ZBTB38: variants seen among roughly 807,000 people sequenced by gnomAD.
The protein encoded by ZBTB38 is zinc finger and BTB domain-containing protein 38.
A neutral mutation model predicts 76.8 loss-of-function variants in ZBTB38; 20 were observed. The ratio of observed to expected loss-of-function variants is 0.26; its 90% CI spans 0.18 to 0.38. The LOEUF (loss-of-function observed/expected upper bound fraction) is 0.38. Among genes scored for constraint, ZBTB38 ranks in the 10% least tolerant of loss-of-function variants. The pLI is 1.00. For synonymous variants in ZBTB38, 504 were observed against 544.2 expected (o/e 0.93, Z 1.03); for missense variants, 1,082 against 1,482.3 (o/e 0.73, Z 4.43).
At chr3:141,400,874 G>T (rs1326994796) in intron 4 of ZBTB38, among the ~76,000 whole-genome samples, 1 of 152,170 alleles carries the variant, frequency 6.6e-6, no homozygotes, top group Non-Finnish European at 1.5e-5. Flanking sequence ...AACAAAGCTG[G>T]GCTTTAAACC....
At chr3:141,437,951 G>A (rs1413007036) in intron 5 of ZBTB38, among the ~76,000 whole-genome samples, 3 of 151,664 alleles carry the variant, frequency 2.0e-5, no homozygotes, top group Non-Finnish European at 2.9e-5. Context: ...TCGCTCTGTT[G>A]CCCAGGCTGG....
intron 5 of ZBTB38, among the ~76,000 whole-genome samples, chr3:141,409,525 G>A (rs1210256490): frequency 6.6e-6 from 1 of 152,162 alleles, no homozygotes; most frequent in Non-Finnish European, 1.5e-5. Context: ...CAGAATTTTT[G>A]ACAAGAAGCA....
At chr3:141,372,225 G>A (rs983908208) in intron 2 of ZBTB38, among the ~76,000 whole-genome samples, 11 of 152,194 alleles carry the variant, frequency 7.2e-5, no homozygotes, top group African/African-American at 2.7e-4. Flanking sequence ...GAGGAGGAAT[G>A]GAATAGAATA....
At chr3:141,332,989 G>C (rs534283686) in intron 1 of ZBTB38, among the ~76,000 whole-genome samples, 1 of 152,136 alleles carries the variant, frequency 6.6e-6, no homozygotes, top group Admixed American at 6.5e-5. Context: ...CTGTAGAAAG[G>C]GGTTTCTTAA....
chr3:141,439,092 T>G (rs6777525), intron 5 of ZBTB38, among the ~76,000 whole-genome samples: 10,845 of 152,196 alleles, frequency 0.071, 1,344 homozygotes, highest in African/African-American at 0.25. Flanking sequence ...TTCTAACATT[T>G]TATACTTATC....
chr3:141,352,055 A>G lies in ZBTB38; in HGVS notation c.-738-16566A>G, dbSNP rs931965117. Among the ~76,000 whole-genome samples, 3 of 152,186 alleles carry G rather than the reference A, an allele frequency of 2.0e-5. No homozygotes were observed. The South Asian group carries it at 6.2e-4, about 31-fold the overall frequency. ...CCAAGAATTCATTTACCCAATAAAT[A>G]TGCCAGGCATGGTTTTGGCCTAATG... On this transcript the variant is annotated intron_variant, in intron 1 of 7. Transcript: ENST00000509842.
intron 2 of ZBTB38, among the ~76,000 whole-genome samples, chr3:141,376,002 A>T (rs925799911): frequency 2.6e-5 from 4 of 152,074 alleles, no homozygotes; most frequent in African/African-American, 9.7e-5. Flanking sequence ...GCAACAAAAA[A>T]CCATTTTCTT....
intron 5 of ZBTB38, among the ~76,000 whole-genome samples, chr3:141,418,074 A>T (rs2074482763): frequency 6.6e-6 from 1 of 152,148 alleles, no homozygotes; most frequent in South Asian, 2.1e-4. Context: ...GACTAAACAC[A>T]TCAGAATCTT....
chr3:141,385,401 A>C (rs1230934722), intron 3 of ZBTB38, among the ~76,000 whole-genome samples: 1 of 152,172 alleles, frequency 6.6e-6, no homozygotes, highest in African/African-American at 2.4e-5. Context: ...ATTTCCTTAA[A>C]AATAAAAGAC....
chr3:141,352,591 G>T (rs1479586753), intron 1 of ZBTB38, among the ~76,000 whole-genome samples: 1 of 152,058 alleles, frequency 6.6e-6, no homozygotes, highest in African/African-American at 2.4e-5. Flanking sequence ...GGTGATGATG[G>T]TATACATGGG....
chr3:141,333,671 G>C (rs1303513664), intron 1 of ZBTB38, among the ~76,000 whole-genome samples: 2 of 152,162 alleles, frequency 1.3e-5, no homozygotes, highest in African/African-American at 2.4e-5. Context: ...GGTGGGGAAA[G>C]AGTGCCCAGC....
chr3:141,387,104 A>G (rs1947319692), intron 4 of ZBTB38, 167 bp downstream of exon 4: 1 of 152,562 alleles, frequency 6.6e-6, no homozygotes, highest in Non-Finnish European at 1.5e-5. Flanking sequence ...AGATGTGAGT[A>G]TGTAAATGCT....
intron 1 of ZBTB38, among the ~76,000 whole-genome samples, chr3:141,331,957 T>C (rs1942867855): frequency 6.6e-6 from 1 of 152,180 alleles, no homozygotes; most frequent in Non-Finnish European, 1.5e-5. Flanking sequence ...AAGTGGAAGA[T>C]AATGCACTTG....
intron 1 of ZBTB38, among the ~76,000 whole-genome samples, chr3:141,338,438 T>C (rs981677347): frequency 2.0e-5 from 3 of 152,206 alleles, no homozygotes. Context: ...ATGTGGTACA[T>C]AGACACCATG....
chr3:141,425,091 G>C (rs1424660669), intron 5 of ZBTB38, among the ~76,000 whole-genome samples: 3 of 152,220 alleles, frequency 2.0e-5, no homozygotes, highest in Non-Finnish European at 4.4e-5. Flanking sequence ...GCCAGAGCAT[G>C]ACAGAGCCAG....
chr3:141,391,852 A>T (rs901598139), intron 4 of ZBTB38, among the ~76,000 whole-genome samples: 1 of 152,174 alleles, frequency 6.6e-6, no homozygotes, highest in Admixed American at 6.5e-5. Context: ...AGTTTTTTTC[A>T]GGTTTTGCTA....
rs187762555 is a variant in ZBTB38, at chr3:141,343,453, T to C, written c.-739+18997T>C. Reference sequence around the variant, plus strand: ...AAGCAGATACAAGGACCCTTGGAGGTTGGGGGAGGAGAAGGACTCTGAGCA... The same window carrying C: ...AAGCAGATACAAGGACCCTTGGAGGCTGGGGGAGGAGAAGGACTCTGAGCA... On this transcript the variant is annotated intron_variant, in intron 1 of 7. Coordinates refer to the ZBTB38 transcript ENST00000509842. Among the ~76,000 whole-genome samples the C allele has an allele frequency of 2.6e-5, 4 of 151,804 alleles. No homozygotes were observed. In the East Asian group the frequency reaches 7.8e-4, roughly 29 times the overall value.
chr3:141,395,683 T>TTA (rs1950198138), intron 4 of ZBTB38, among the ~76,000 whole-genome samples: 1 of 152,138 alleles, frequency 6.6e-6, no homozygotes, highest in Non-Finnish European at 1.5e-5. Flanking sequence ...AAAACTTCAC[T>TTA]TATAAACTCT....
At chr3:141,437,679 T>C (rs1423248517) in intron 5 of ZBTB38, among the ~76,000 whole-genome samples, 1 of 152,202 alleles carries the variant, frequency 6.6e-6, no homozygotes, top group Non-Finnish European at 1.5e-5. Flanking sequence ...AATTAAGGTA[T>C]AAAAATACAT....
Sources: allele counts gnomAD v4.1 joint callset (sites outside exome capture counted in the v4.1 genomes callset), GRCh38; gene constraint gnomAD v4.1.1; transcripts MANE v1.5; gene names NCBI Gene and HGNC (gene_info 2026-07-23, HGNC 2026-07-21).